APCDD1L: variants seen among roughly 807,000 people sequenced by gnomAD.
APCDD1L encodes the protein APC down-regulated 1 like, also known as protein APCDD1-like.
Under a neutral mutation model 24.2 loss-of-function variants are expected in APCDD1L, and 21 were observed. That is an observed-to-expected ratio of 0.87 (90% confidence interval 0.61 to 1.25). The LOEUF (loss-of-function observed/expected upper bound fraction) is 1.25, where lower values mean the gene tolerates loss of function less well. Ranked by LOEUF, APCDD1L falls within the 50% of genes most tolerant of loss-of-function variation. The probability of loss-of-function intolerance (pLI) is 0.00; values close to 1 mark genes in which losing one functional copy is unlikely to be tolerated. For synonymous variants in APCDD1L, 321 were observed against 323.6 expected, an observed-to-expected ratio of 0.99 and a Z score of 0.09; for missense variants, 704 against 711.7, an observed-to-expected ratio of 0.99 and a Z score of 0.12.
chr20:58,484,382 G>T (rs1354466019), intron 1 of APCDD1L, among the ~76,000 whole-genome samples: 1 of 152,212 alleles, frequency 6.6e-6, no homozygotes, highest in African/African-American at 2.4e-5. Flanking sequence ...CAGGGACTCT[G>T]GTCCCCTCTG....
chr20:58,481,490 C>T (rs1990023697), intron 1 of APCDD1L, among the ~76,000 whole-genome samples: 1 of 152,170 alleles, frequency 6.6e-6, no homozygotes, highest in Non-Finnish European at 1.5e-5. Context: ...CCAGAGGGGC[C>T]AAGAATCTTG....
chr20:58,467,297 C>A lies in APCDD1L; in HGVS notation c.550G>T (p.Asp184Tyr). ...GTGAGGCCCAGCGCCTCCAGGCAGTCCCCCTGAGCCCGGGCGCTCCGCAGC... is the reference window on the plus strand; with the variant it reads ...GTGAGGCCCAGCGCCTCCAGGCAGTACCCCTGAGCCCGGGCGCTCCGCAGC... ...YELRSARAQG[D>Y]CLEALGLTMH... Residue 184 changes from aspartate (D) to tyrosine (Y), a missense_variant, in exon 3 of 4, where the codon GAC becomes TAC. Asp to Tyr is a radical substitution (Grantham distance 160, BLOSUM62 -3). Coordinates refer to ENST00000371149, the MANE Select transcript of APCDD1L (RefSeq NM_153360.3). This position sits in a 1 kb window ranked among gnomAD's most constrained non-coding sequence, Gnocchi z 5.9. The A allele has an allele frequency of 6.5e-7, 1 of 1,537,008 alleles. No homozygotes were observed. Among genetic ancestry groups the A allele is most frequent in the East Asian group, 2.5e-5 (1 of 39,902 alleles).
rs1178024183 is a variant in APCDD1L, at chr20:58,508,384, CAG to C, written c.49+6273_49+6274del. 7.9e-5 allele frequency among the ~76,000 whole-genome samples: 12 copies of C among 152,154 alleles called. No individual in the cohort carries two copies. The highest frequency in any genetic ancestry group is 1.5e-4 in the Non-Finnish European group (10 of 68,024). On this transcript the variant is annotated intron_variant, in intron 1 of 3. Transcript: ENST00000371149. The surrounding 1 kb of genome is among the most constrained non-coding windows in gnomAD (Gnocchi z 4.0). ...CAAGGAGCACAGGGAGGGGAGAGCACAGAGAGAGTGAACATGGCTGAGACTGT... is the reference window on the plus strand; with the variant it reads ...CAAGGAGCACAGGGAGGGGAGAGCACAGAGAGTGAACATGGCTGAGACTGT...
rs1365483721 is a variant in APCDD1L at position 58,494,235 on chromosome 20, T to C, written c.49+20424A>G. On this transcript the variant is annotated intron_variant, in intron 1 of 3. Coordinates refer to ENST00000371149, the MANE Select transcript of APCDD1L (RefSeq NM_153360.3). The surrounding 1 kb of genome is among the most constrained non-coding windows in gnomAD (Gnocchi z 4.8). Reference sequence around the variant, plus strand: ...ATAAGTGGACCTGGGCAGGTGAAACTCATGTGGTTTAAGGGTCAACTGCAT... The same window carrying C: ...ATAAGTGGACCTGGGCAGGTGAAACCCATGTGGTTTAAGGGTCAACTGCAT... Among the ~76,000 whole-genome samples the C allele has an allele frequency of 6.6e-6, 1 of 152,200 alleles. No individual in the cohort carries two copies. Among genetic ancestry groups the C allele is most frequent in the African/African-American group, 2.4e-5 (1 of 41,448 alleles).
chr20:58,499,566 T>C (rs1054669818), intron 1 of APCDD1L, among the ~76,000 whole-genome samples: 3 of 152,228 alleles, frequency 2.0e-5, no homozygotes, highest in Admixed American at 1.3e-4. Context: ...AGCTGTTGGA[T>C]TGGGCACCAG....
intron 2 of APCDD1L, among the ~76,000 whole-genome samples, chr20:58,470,374 T>C (rs1182965258): frequency 1.3e-5 from 2 of 152,222 alleles, no homozygotes; most frequent in Non-Finnish European, 2.9e-5. Context: ...AATAGGTTTG[T>C]ATAATAGGTG....
intron 1 of APCDD1L, among the ~76,000 whole-genome samples, chr20:58,512,855 C>A (rs933543426): frequency 1.3e-5 from 2 of 151,974 alleles, no homozygotes; most frequent in Admixed American, 6.5e-5. Flanking sequence ...CACCCTCCCC[C>A]TTTCTGGTGG....
At chr20:58,466,328 C>T (rs1484030771) in intron 3 of APCDD1L, among the ~76,000 whole-genome samples, 1 of 152,208 alleles carries the variant, frequency 6.6e-6, no homozygotes, top group Admixed American at 6.5e-5. Flanking sequence ...GCTGGAAATG[C>T]AGAACCCCGG....
chr20:58,498,325 C>G (rs1227943501), intron 1 of APCDD1L, among the ~76,000 whole-genome samples: 1 of 152,160 alleles, frequency 6.6e-6, no homozygotes. Flanking sequence ...GTGGGGTAGG[C>G]TGGTTGTGGC....
intron 1 of APCDD1L, among the ~76,000 whole-genome samples, chr20:58,475,573 C>A (rs1989891024): frequency 6.6e-6 from 1 of 151,928 alleles, no homozygotes; most frequent in African/African-American, 2.4e-5. Flanking sequence ...TGGTAAATGG[C>A]CTGAGGGTGG....
intron 1 of APCDD1L, among the ~76,000 whole-genome samples, chr20:58,493,715 A>G (rs1835335202): frequency 6.6e-6 from 1 of 152,204 alleles, no homozygotes; most frequent in South Asian, 2.1e-4. Context: ...GGAAAAGATA[A>G]ACACAAAATT....
chr20:58,482,170 T>A (rs1990037001), intron 1 of APCDD1L, among the ~76,000 whole-genome samples: 2 of 152,388 alleles, frequency 1.3e-5, no homozygotes, highest in Non-Finnish European at 2.9e-5. Flanking sequence ...GTTCGTGGTC[T>A]CTTTCATACA....
At chr20:58,481,700 A>C (rs1197113205) in intron 1 of APCDD1L, among the ~76,000 whole-genome samples, 1 of 152,088 alleles carries the variant, frequency 6.6e-6, no homozygotes, top group African/African-American at 2.4e-5. Context: ...GGTTGGGGCG[A>C]TTGGGAGCCA....
intron 1 of APCDD1L, among the ~76,000 whole-genome samples, chr20:58,514,262 C>A (rs1990691860): frequency 6.6e-6 from 1 of 152,190 alleles, no homozygotes; most frequent in Non-Finnish European, 1.5e-5. Context: ...AAAACAACCC[C>A]AGTAACCTTG....
At position 58,461,209 on chromosome 20, in the gene APCDD1L, T is replaced by C; in HGVS notation, c.1087A>G (p.Met363Val). The change falls in exon 4 of 4, where the codon ATG (methionine) becomes GTG (valine). Residue 363 changes from methionine (M) to valine (V), a missense_variant. Physicochemically the swap from Met to Val is conservative, Grantham distance 21 (BLOSUM62 1). Transcript: ENST00000371149. This position sits in a 1 kb window ranked among gnomAD's most constrained non-coding sequence, Gnocchi z 6.0. Reference protein sequence around the residue: ...FEVTRAHVTPMDQVTTAMLNF... With the variant: ...FEVTRAHVTPVDQVTTAMLNF... ...AGCATGGCCGTGGTGACCTGGTCCATGGGGGTCACATGGGCCCGTGTGACC... is the reference window on the plus strand; with the variant it reads ...AGCATGGCCGTGGTGACCTGGTCCACGGGGGTCACATGGGCCCGTGTGACC... 2.5e-6 allele frequency: 4 copies of C among 1,613,584 alleles called. No individual in the cohort carries two copies. In the South Asian group the frequency reaches 4.4e-5, roughly 18 times the overall value.
At chr20:58,509,242 C>T (rs1010329721) in intron 1 of APCDD1L, among the ~76,000 whole-genome samples, 6 of 152,066 alleles carry the variant, frequency 3.9e-5, no homozygotes, top group South Asian at 2.1e-4. Flanking sequence ...AGGACCAGGG[C>T]GGGCCGGGTG....
Position 58,466,133 on chromosome 20 carries a change from A to G in APCDD1L, c.741+973T>C, listed in dbSNP as rs899695175. On this transcript the variant is annotated intron_variant, in intron 3 of 3. Transcript: ENST00000371149. ...CCTGTTTGCTCATCTGGCAAAAAAA[A>G]AAAAAAAAAAGTGTGCTGGGGGACT... Among the ~76,000 whole-genome samples, 467 of 151,776 alleles carry G rather than the reference A, an allele frequency of 3.1e-3. 5 individuals carry two copies. Among genetic ancestry groups the G allele is most frequent in the African/African-American group, 0.01 (431 of 41,386 alleles).
intron 1 of APCDD1L, among the ~76,000 whole-genome samples, chr20:58,500,394 C>T (rs907049480): frequency 2.0e-5 from 3 of 152,072 alleles, no homozygotes; most frequent in Non-Finnish European, 4.4e-5. Context: ...CAAGCATGAA[C>T]GTCACCAGTG....
Position 58,495,544 on chromosome 20 carries a change from C to T in APCDD1L, c.49+19115G>A, listed in dbSNP as rs1412950014. 2.6e-5 allele frequency among the ~76,000 whole-genome samples: 4 copies of T among 152,068 alleles called. No individual in the cohort carries two copies. In the East Asian group the frequency reaches 5.8e-4, roughly 22 times the overall value. On this transcript the variant is annotated intron_variant, in intron 1 of 3. Coordinates refer to ENST00000371149, the MANE Select transcript of APCDD1L (RefSeq NM_153360.3). ...CCCTGTGCCCCGAGGGCAGGGACCT[C>T]GACTGCATCCTCCAGAGGTTGAAGC...
Sources: allele counts gnomAD v4.1 joint callset (sites outside exome capture counted in the v4.1 genomes callset), GRCh38; gene constraint gnomAD v4.1.1; non-coding constraint Gnocchi (gnomAD v3.1); transcripts MANE v1.5; gene names NCBI Gene and HGNC (gene_info 2026-07-23, HGNC 2026-07-21).